BMERB1: variants seen among roughly 807,000 people sequenced by gnomAD.
BMERB1 encodes the protein bMERB domain-containing protein 1.
BMERB1 carries 12 observed loss-of-function variants against 23.6 expected under a neutral mutation model. The ratio of observed to expected loss-of-function variants is 0.51; its 90% CI spans 0.33 to 0.82. BMERB1 has a LOEUF of 0.82. Ranked by LOEUF, BMERB1 falls within the 40% of genes least tolerant of loss-of-function variation. BMERB1 has a pLI of 0.03. For synonymous variants in BMERB1, 122 were observed against 96.6 expected, an observed-to-expected ratio of 1.26 and a Z score of -1.54; for missense variants, 247 against 255.4, an observed-to-expected ratio of 0.97 and a Z score of 0.22.
rs540572287 is a variant in BMERB1, at chr16:15,532,651, T to G, written c.230+17223T>G. Among the ~76,000 whole-genome samples, 3 of 148,854 alleles carry G rather than the reference T, an allele frequency of 2.0e-5. No homozygotes were observed. In the East Asian group the frequency reaches 6.2e-4, roughly 31 times the overall value. ...AGCTCTGCCTCCCAGGTTCACGCCA[T>G]TCGCCTGCCTCAGCCTCCCAAGTAG... On this transcript the variant is annotated intron_variant, in intron 2 of 5. Transcript: ENST00000300006.
intron 1 of BMERB1, among the ~76,000 whole-genome samples, chr16:15,483,039 AACCTTTTAATATTTTT>A (rs1262621095): frequency 2.0e-5 from 3 of 152,160 alleles, no homozygotes; most frequent in Non-Finnish European, 4.4e-5. Context: ...TTTTTCTAGT[AACCTTTTAATATTTTT>A]CCTGTGTAGC....
At chr16:15,554,169 A>G (rs1039025540) in intron 2 of BMERB1, among the ~76,000 whole-genome samples, 11 of 152,080 alleles carry the variant, frequency 7.2e-5, no homozygotes, top group African/African-American at 2.4e-4. Flanking sequence ...CTCCCAGACT[A>G]TCCTGATCTC....
At chr16:15,538,703 G>A (rs1013027360) in intron 2 of BMERB1, among the ~76,000 whole-genome samples, 7 of 152,164 alleles carry the variant, frequency 4.6e-5, no homozygotes, top group South Asian at 4.1e-4. Flanking sequence ...ATCATTAACC[G>A]CCTGGAGGAG....
chr16:15,512,911 C>T (rs188283501), intron 1 of BMERB1, among the ~76,000 whole-genome samples: 1 of 151,304 alleles, frequency 6.6e-6, no homozygotes, highest in Admixed American at 6.6e-5. Context: ...AAAAAGAGAA[C>T]AACTTTCCAA....
rs752236449 is a variant in BMERB1 at position 15,534,503 on chromosome 16, G to A, written c.230+19075G>A. Among the ~76,000 whole-genome samples the A allele has an allele frequency of 2.3e-4, 35 of 151,818 alleles. 1 individual carries two copies. Among genetic ancestry groups the A allele is most frequent in the Admixed American group, 8.5e-4 (13 of 15,230 alleles). On this transcript the variant is annotated intron_variant, in intron 2 of 5. Coordinates refer to ENST00000300006, the MANE Select transcript of BMERB1 (RefSeq NM_033201.3). ...CGGGAGGAAGACGTTGCAGTGAGCC[G>A]AGATTGTGCCACTACACTCCAGCCT...
chr16:15,522,555 C>T (rs777367594), intron 2 of BMERB1, among the ~76,000 whole-genome samples: 2 of 152,182 alleles, frequency 1.3e-5, no homozygotes, highest in Non-Finnish European at 2.9e-5. Context: ...TCCTCACTAT[C>T]ACCATCCAGG....
intron 1 of BMERB1, among the ~76,000 whole-genome samples, chr16:15,445,472 A>AC (rs2050981204): frequency 6.6e-6 from 1 of 152,190 alleles, no homozygotes; most frequent in Non-Finnish European, 1.5e-5. Flanking sequence ...GGCTTAGCCA[A>AC]CCCTGGGGCT....
chr16:15,546,905 T>C (rs1366241099), intron 2 of BMERB1, among the ~76,000 whole-genome samples: 1 of 152,178 alleles, frequency 6.6e-6, no homozygotes, highest in Non-Finnish European at 1.5e-5. Flanking sequence ...CTGTTAAGAA[T>C]TGCCTCGTTA....
intron 2 of BMERB1, among the ~76,000 whole-genome samples, chr16:15,556,582 T>A (rs549350765): frequency 3.3e-5 from 5 of 152,084 alleles, no homozygotes; most frequent in South Asian, 4.2e-4. Context: ...ATTTATTTAT[T>A]TTTATTTATT....
chr16:15,535,529 A>G (rs2052016352), intron 2 of BMERB1, among the ~76,000 whole-genome samples: 1 of 152,052 alleles, frequency 6.6e-6, no homozygotes, highest in Non-Finnish European at 1.5e-5. Context: ...GTGTCCCTGT[A>G]GACCCAGCTG....
intron 1 of BMERB1, among the ~76,000 whole-genome samples, chr16:15,486,235 C>G (rs2051367360): frequency 6.7e-6 from 1 of 149,546 alleles, no homozygotes; most frequent in South Asian, 2.1e-4. Flanking sequence ...TTGTTTTGCT[C>G]TTAATCGGGT....
At chr16:15,454,108 GT>G (rs999978357) in intron 1 of BMERB1, among the ~76,000 whole-genome samples, 129 of 152,206 alleles carry the variant, frequency 8.5e-4, no homozygotes, top group African/African-American at 2.9e-3. Context: ...ATCACAGGGA[GT>G]TTTTTTCCTT....
intron 1 of BMERB1, among the ~76,000 whole-genome samples, chr16:15,442,195 G>T (rs1423936360): frequency 6.6e-6 from 1 of 152,118 alleles, no homozygotes; most frequent in Non-Finnish European, 1.5e-5. Context: ...GCTGGGCGTG[G>T]TGGCGCATGC....
At chr16:15,571,793 T>C (rs557168641) in intron 3 of BMERB1, among the ~76,000 whole-genome samples, 1 of 152,268 alleles carries the variant, frequency 6.6e-6, no homozygotes, top group African/African-American at 2.4e-5. Flanking sequence ...AGACTATAAA[T>C]CATCGTCCCT....
chr16:15,579,113 G>A (rs985937966), intron 3 of BMERB1, among the ~76,000 whole-genome samples: 1 of 152,208 alleles, frequency 6.6e-6, no homozygotes, highest in African/African-American at 2.4e-5. Context: ...TGGGGGCCCA[G>A]CCAGTTGTTG....
intron 2 of BMERB1, among the ~76,000 whole-genome samples, chr16:15,563,471 G>A (rs973700285): frequency 4.6e-5 from 7 of 151,818 alleles, no homozygotes; most frequent in African/African-American, 1.2e-4. Context: ...TGCCCACCTC[G>A]GCCTCCCAAA....
intron 1 of BMERB1, among the ~76,000 whole-genome samples, chr16:15,480,272 C>T (rs970927724): frequency 5.9e-5 from 9 of 151,492 alleles, no homozygotes; most frequent in Middle Eastern, 3.2e-3. Flanking sequence ...CCACTATGCC[C>T]GGCTAATTTG....
At chr16:15,515,208 G>A (rs768558232) in intron 1 of BMERB1, 97 bp from the exon 2 acceptor site, 226 of 1,545,930 alleles carry the variant, frequency 1.5e-4, no homozygotes, top group Admixed American at 2.6e-4. Flanking sequence ...GGTGTATGAT[G>A]GTCGCAGAGC....
At chr16:15,580,272 G>A (rs1352590397) in intron 3 of BMERB1, among the ~76,000 whole-genome samples, 1 of 151,886 alleles carries the variant, frequency 6.6e-6, no homozygotes, top group Non-Finnish European at 1.5e-5. Flanking sequence ...AATTTACAGA[G>A]AAAATTTTTG....
Sources: allele counts gnomAD v4.1 joint callset (sites outside exome capture counted in the v4.1 genomes callset), GRCh38; gene constraint gnomAD v4.1.1; transcripts MANE v1.5; gene names NCBI Gene and HGNC (gene_info 2026-07-23, HGNC 2026-07-21).